Variants in SUPT3H observed in about 807,000 individuals in gnomAD.
SUPT3H encodes the protein transcription initiation protein SPT3 homolog.
Under a neutral mutation model 44.3 loss-of-function variants are expected in SUPT3H, and 44 were observed. That is an observed-to-expected ratio of 0.99 (90% CI 0.78 to 1.28). SUPT3H has a LOEUF of 1.28. SUPT3H is among the 50% of genes most tolerant of loss of function. The probability of loss-of-function intolerance (pLI) is 0.00; values close to 1 mark genes in which losing one functional copy is unlikely to be tolerated. For synonymous variants in SUPT3H, 124 were observed against 125.6 expected (o/e 0.99, Z 0.09); for missense variants, 380 against 387.1 (o/e 0.98, Z 0.15).
chr6:45,296,252 T>C (rs1476759981), intron 2 of SUPT3H, among the ~76,000 whole-genome samples: 1 of 149,356 alleles, frequency 6.7e-6, no homozygotes, highest in Non-Finnish European at 1.5e-5. Context: ...AATGAACTAA[T>C]GGCATTCACA....
chr6:45,373,494 T>C (rs887919737), intron 1 of SUPT3H, among the ~76,000 whole-genome samples: 14 of 152,072 alleles, frequency 9.2e-5, no homozygotes, highest in Admixed American at 5.2e-4. Context: ...CCGTAGAAAA[T>C]ATATTGTGAC....
At chr6:45,150,055 T>G (rs960597014) in intron 2 of SUPT3H, among the ~76,000 whole-genome samples, 2 of 152,118 alleles carry the variant, frequency 1.3e-5, no homozygotes, top group African/African-American at 4.8e-5. Context: ...TTTTAAGAGC[T>G]CCTCAGAATG....
At chr6:45,309,552 G>A (rs1034883643) in intron 2 of SUPT3H, among the ~76,000 whole-genome samples, 5 of 151,594 alleles carry the variant, frequency 3.3e-5, no homozygotes, top group Non-Finnish European at 5.9e-5. Context: ...TCAAGAAGAA[G>A]AAAGAGAAAA....
intron 10 of SUPT3H, among the ~76,000 whole-genome samples, chr6:44,852,975 ATATCTT>A (rs1773126437): frequency 6.8e-6 from 1 of 147,090 alleles, no homozygotes; most frequent in African/African-American, 2.4e-5. Context: ...TTTTACATCT[ATATCTT>A]TAACATTTTT....
In SUPT3H at chr6:44,863,937, C is replaced by T. The variant is rs796214564; in HGVS notation, c.913-34080G>A. ...GAGAACAGTATGGGAGAAACTGCCCCCATGATTCAATTATCTCCCACCGAG... is the reference window on the plus strand; with the variant it reads ...GAGAACAGTATGGGAGAAACTGCCCTCATGATTCAATTATCTCCCACCGAG... On this transcript the variant is annotated intron_variant, in intron 10 of 10. Coordinates refer to ENST00000371459, the MANE Select transcript of SUPT3H (RefSeq NM_003599.4). Among the ~76,000 whole-genome samples, 10 of 151,714 alleles carry T rather than the reference C, an allele frequency of 6.6e-5. No homozygotes were observed. In the South Asian group the frequency reaches 2.1e-3, roughly 32 times the overall value.
chr6:45,375,433 G>A (rs1444172256), intron 1 of SUPT3H, among the ~76,000 whole-genome samples: 1 of 152,086 alleles, frequency 6.6e-6, no homozygotes, highest in Non-Finnish European at 1.5e-5. Flanking sequence ...ACCCATAAAA[G>A]CACCCCATTC....
intron 10 of SUPT3H, among the ~76,000 whole-genome samples, chr6:44,850,605 G>C (rs1013377907): frequency 6.6e-6 from 1 of 152,100 alleles, no homozygotes; most frequent in African/African-American, 2.4e-5. Flanking sequence ...TCTGTGGTTA[G>C]CAAGACAAAA....
At chr6:44,837,771 A>G (rs1313222940) in intron 10 of SUPT3H, among the ~76,000 whole-genome samples, 1 of 152,242 alleles carries the variant, frequency 6.6e-6, no homozygotes, top group South Asian at 2.1e-4. Context: ...TAAACATTTT[A>G]GGTTCAAATA....
At chr6:45,115,556 T>C (rs1160340531) in intron 2 of SUPT3H, among the ~76,000 whole-genome samples, 6 of 152,078 alleles carry the variant, frequency 3.9e-5, no homozygotes, top group East Asian at 1.9e-4. Context: ...TGGAGTTACA[T>C]AGCATTGAAA....
chr6:45,221,641 A>G (rs1766075346), intron 2 of SUPT3H, among the ~76,000 whole-genome samples: 1 of 152,126 alleles, frequency 6.6e-6, no homozygotes, highest in Admixed American at 6.5e-5. Context: ...CATACTGAAG[A>G]TATTAATTTT....
At position 45,021,679 on chromosome 6, in the gene SUPT3H, C is replaced by T. The variant is rs59181940; in HGVS notation, c.187-1047G>A. On this transcript the variant is annotated intron_variant, in intron 3 of 10. Transcript: ENST00000371459. ...GAGAACTAATCTTTAAAATGTGACACACTATTATCTCAACAAATATATGAA... is the reference window on the plus strand; with the variant it reads ...GAGAACTAATCTTTAAAATGTGACATACTATTATCTCAACAAATATATGAA... 3.5e-3 allele frequency among the ~76,000 whole-genome samples: 526 copies of T among 152,098 alleles called. 5 individuals carry two copies. The highest frequency in any genetic ancestry group is 0.012 in the African/African-American group (501 of 41,546).
chr6:45,265,736 G>A (rs763037375), intron 2 of SUPT3H, among the ~76,000 whole-genome samples: 2 of 152,002 alleles, frequency 1.3e-5, no homozygotes, highest in African/African-American at 2.4e-5. Context: ...AAATTAGTGT[G>A]TTCCCTGCAG....
chr6:45,249,983 T>C (rs1772081088), intron 2 of SUPT3H, among the ~76,000 whole-genome samples: 1 of 152,182 alleles, frequency 6.6e-6, no homozygotes, highest in Non-Finnish European at 1.5e-5. Context: ...AGGTTCCTGT[T>C]TGGAGAAATG....
chr6:45,162,311 G>C (rs1809131675), intron 2 of SUPT3H, among the ~76,000 whole-genome samples: 1 of 151,900 alleles, frequency 6.6e-6, no homozygotes. Context: ...ATTGCTTGAG[G>C]GCAGGAGTTT....
intron 2 of SUPT3H, among the ~76,000 whole-genome samples, chr6:45,129,998 A>G (rs1243015141): frequency 6.6e-6 from 1 of 152,204 alleles, no homozygotes; most frequent in African/African-American, 2.4e-5. Flanking sequence ...AAAATATTCT[A>G]AAGATTATTT....
In SUPT3H at chr6:44,829,526, C is replaced by T; in HGVS notation, c.*290G>A. The T allele has an allele frequency of 3.4e-6, 1 of 290,440 alleles. No homozygotes were observed. Among genetic ancestry groups the T allele is most frequent in the Non-Finnish European group, 6.4e-6 (1 of 156,330 alleles). The allele number at this position is 290,440 out of a possible 1,614,324, so 18.0% of individuals were successfully genotyped here. ...GCTTTTAAGGTATGTGAGCTGAGGG[C>T]AGTAAATCTACTCAAATTAAAATTT... On this transcript the variant is annotated 3_prime_UTR_variant, in exon 11 of 11. Transcript: ENST00000371459.
intron 2 of SUPT3H, among the ~76,000 whole-genome samples, chr6:45,271,645 G>A (rs912321651): frequency 3.3e-5 from 5 of 152,210 alleles, no homozygotes; most frequent in African/African-American, 1.2e-4. Context: ...CAATGTGAAA[G>A]GAAAATGTGT....
At chr6:45,202,938 A>C (rs954587282) in intron 2 of SUPT3H, among the ~76,000 whole-genome samples, 1 of 152,110 alleles carries the variant, frequency 6.6e-6, no homozygotes, top group Non-Finnish European at 1.5e-5. Context: ...ATAAATCACT[A>C]GAGATCAATT....
At chr6:45,087,595 C>G (rs1796632028) in intron 3 of SUPT3H, among the ~76,000 whole-genome samples, 1 of 151,540 alleles carries the variant, frequency 6.6e-6, no homozygotes, top group Non-Finnish European at 1.5e-5. Flanking sequence ...AAAACAGTGT[C>G]CCTAGTTTTA....
Sources: allele counts gnomAD v4.1 joint callset (sites outside exome capture counted in the v4.1 genomes callset), GRCh38; gene constraint gnomAD v4.1.1; transcripts MANE v1.5; gene names NCBI Gene and HGNC (gene_info 2026-07-23, HGNC 2026-07-21).